NWD2: variants seen among roughly 807,000 people sequenced by gnomAD.
NWD2 encodes NACHT and WD repeat domain-containing protein 2.
A neutral mutation model predicts 132.7 loss-of-function variants in NWD2; 37 were observed. That is an observed-to-expected ratio of 0.28 (90% CI 0.21 to 0.37). The LOEUF is 0.37. NWD2 is among the 10% of genes least tolerant of loss of function. The pLI, the probability that NWD2 is intolerant of heterozygous loss-of-function variation, is 1.00. For synonymous variants in NWD2, 705 were observed against 803.0 expected (o/e 0.88, Z 2.06); for missense variants, 1,592 against 2,122.4 (o/e 0.75, Z 4.91).
At chr4:37,285,118 C>T (rs1197958340) in intron 1 of NWD2, among the ~76,000 whole-genome samples, 2 of 152,250 alleles carry the variant, frequency 1.3e-5, no homozygotes, top group East Asian at 3.9e-4. Flanking sequence ...TTTCACTCCC[C>T]ACATCCTCAT....
rs1278589622 is a variant in NWD2, at chr4:37,382,692, T to A, written c.357+26210T>A. ...AATTTTATTTTTATTTTTTATATAT[T>A]TATTTATTTATTTATTGAGGCAGGC... On this transcript the variant is annotated intron_variant, in intron 3 of 6. Transcript: ENST00000309447. 5.3e-5 allele frequency among the ~76,000 whole-genome samples: 8 copies of A among 151,828 alleles called. No homozygotes were observed. In the East Asian group the frequency reaches 1.4e-3, roughly 26 times the overall value.
chr4:37,331,744 C>T (rs534727980), intron 2 of NWD2, among the ~76,000 whole-genome samples: 1 of 152,282 alleles, frequency 6.6e-6, no homozygotes, highest in South Asian at 2.1e-4. Flanking sequence ...ATCCCAGTAC[C>T]TGGTTTTAAC....
intron 1 of NWD2, among the ~76,000 whole-genome samples, chr4:37,276,912 C>G (rs928354740): frequency 6.6e-6 from 1 of 151,968 alleles, no homozygotes; most frequent in Non-Finnish European, 1.5e-5. Context: ...CATCTTCTCA[C>G]TCATAGGTGG....
chr4:37,279,234 A>G (rs1425249118), intron 1 of NWD2, among the ~76,000 whole-genome samples: 1 of 152,216 alleles, frequency 6.6e-6, no homozygotes, highest in Non-Finnish European at 1.5e-5. Context: ...TGGAAGCCAA[A>G]ATAAACAGAT....
At chr4:37,414,085 C>T (rs1721214318) in intron 3 of NWD2, among the ~76,000 whole-genome samples, 1 of 151,536 alleles carries the variant, frequency 6.6e-6, no homozygotes, top group Admixed American at 6.6e-5. Context: ...CAAAACTGCA[C>T]GTTCTCCACA....
chr4:37,405,196 CA>C (rs1720972695), intron 3 of NWD2, among the ~76,000 whole-genome samples: 1 of 152,138 alleles, frequency 6.6e-6, no homozygotes, highest in Admixed American at 6.6e-5. Context: ...ATGACAGCAT[CA>C]TCTTGACTTT....
intron 3 of NWD2, among the ~76,000 whole-genome samples, chr4:37,415,179 G>A (rs549650563): frequency 1.3e-5 from 2 of 152,250 alleles, no homozygotes; most frequent in Non-Finnish European, 2.9e-5. Context: ...CCTGAAGAAC[G>A]CATGTATGGG....
At chr4:37,429,893 T>C (rs1712122315) in intron 3 of NWD2, among the ~76,000 whole-genome samples, 1 of 152,222 alleles carries the variant, frequency 6.6e-6, no homozygotes, top group South Asian at 2.1e-4. Flanking sequence ...TGAATACATA[T>C]TGCCTGATTA....
At chr4:37,287,600 CCAA>C (rs1718262213) in intron 1 of NWD2, among the ~76,000 whole-genome samples, 2 of 152,208 alleles carry the variant, frequency 1.3e-5, no homozygotes, top group African/African-American at 2.4e-5. Context: ...TGCAAGAACT[CCAA>C]CAACTCTAGC....
intron 1 of NWD2, among the ~76,000 whole-genome samples, chr4:37,285,063 C>A (rs765721231): frequency 6.6e-6 from 1 of 151,906 alleles, no homozygotes; most frequent in Admixed American, 6.6e-5. Flanking sequence ...TGTAAATGAC[C>A]GTCAGTACCA....
At chr4:37,277,893 A>G (rs1718054873) in intron 1 of NWD2, among the ~76,000 whole-genome samples, 1 of 152,094 alleles carries the variant, frequency 6.6e-6, no homozygotes, top group African/African-American at 2.4e-5. Flanking sequence ...TTTATTGTGT[A>G]GTAACTTGCC....
rs989504132 is a variant in NWD2, at chr4:37,375,144, G to A, written c.357+18662G>A. On this transcript the variant is annotated intron_variant, in intron 3 of 6. Coordinates refer to ENST00000309447, the MANE Select transcript of NWD2 (RefSeq NM_001144990.2). ...ATAAATTGTTCCATTGTGAAGATAG[G>A]CAAAGGTGTAAAAGTTCTCTTACTC... is the stretch of plus-strand genomic sequence containing the variant. Among the ~76,000 whole-genome samples, 5 of 152,096 alleles carry A rather than the reference G, an allele frequency of 3.3e-5. No individual in the cohort carries two copies. The South Asian group carries it at 1.0e-3, about 32-fold the overall frequency.
intron 1 of NWD2, among the ~76,000 whole-genome samples, chr4:37,306,608 G>T (rs1012934523): frequency 6.6e-6 from 1 of 152,178 alleles, no homozygotes; most frequent in Middle Eastern, 3.4e-3. Context: ...ACAATTTCCA[G>T]TTTCTCTTGT....
chr4:37,341,745 A>C (rs939104064), intron 2 of NWD2, among the ~76,000 whole-genome samples: 1 of 152,208 alleles, frequency 6.6e-6, no homozygotes, highest in East Asian at 1.9e-4. Context: ...TCAGATTTTC[A>C]TCCGTAAAAC....
At chr4:37,326,534 C>T (rs964260645) in intron 2 of NWD2, among the ~76,000 whole-genome samples, 1 of 152,172 alleles carries the variant, frequency 6.6e-6, no homozygotes, top group African/African-American at 2.4e-5. Context: ...ATCAGCCTTT[C>T]AAGAGACAGC....
intron 1 of NWD2, among the ~76,000 whole-genome samples, chr4:37,287,484 C>T (rs1247330484): frequency 1.3e-5 from 2 of 152,162 alleles, no homozygotes; most frequent in Admixed American, 6.5e-5. Flanking sequence ...TGGCTTGGTC[C>T]CCAAGAAGTG....
intron 1 of NWD2, among the ~76,000 whole-genome samples, chr4:37,299,717 A>T (rs1718575259): frequency 6.6e-6 from 1 of 152,164 alleles, no homozygotes; most frequent in African/African-American, 2.4e-5. Context: ...CAGGTGAACC[A>T]GGTACAAGTA....
intron 4 of NWD2, among the ~76,000 whole-genome samples, chr4:37,431,994 G>A (rs1712193317): frequency 1.4e-4 from 1 of 7,070 alleles, no homozygotes; most frequent in Non-Finnish European, 2.3e-3. Flanking sequence ...CATTAATGAA[G>A]CTCCCTTTGC....
At chr4:37,334,473 C>G (rs1444787405) in intron 2 of NWD2, among the ~76,000 whole-genome samples, 1 of 152,204 alleles carries the variant, frequency 6.6e-6, no homozygotes, top group African/African-American at 2.4e-5. Context: ...TGCTTCCTAT[C>G]AGACATACCC....
Sources: gnomAD v4.1 joint callset for allele counts (sites outside exome capture counted in the v4.1 genomes callset) on GRCh38, gnomAD v4.1.1 for gene constraint, MANE v1.5 for transcripts, NCBI Gene and HGNC (gene_info 2026-07-23, HGNC 2026-07-21) for gene names.